The following AFDN variants were observed in gnomAD, a reference collection of about 807,000 sequenced individuals.
AFDN encodes the protein afadin, adherens junction formation factor.
In AFDN, 68 loss-of-function variants were observed where a neutral mutation model predicts 216.6. The ratio of observed to expected loss-of-function variants is 0.31; its 90% CI spans 0.26 to 0.38. AFDN has a LOEUF of 0.38. Ranked by LOEUF, AFDN falls within the 10% of genes least tolerant of loss-of-function variation. The pLI is 1.00. For synonymous variants in AFDN, 868 were observed against 853.7 expected (o/e 1.02, Z -0.29); for missense variants, 2,136 against 2,342.0 (o/e 0.91, Z 1.82).
intron 13 of AFDN, among the ~76,000 whole-genome samples, chr6:167,910,548 G>A (rs887125644): frequency 1.3e-5 from 2 of 152,192 alleles, no homozygotes; most frequent in African/African-American, 4.8e-5. Context: ...ATGTGAGTGA[G>A]TAGAACATCT....
intron 6 of AFDN, among the ~76,000 whole-genome samples, chr6:167,882,160 TAAGAC>T (rs1487380074): frequency 6.6e-6 from 1 of 151,776 alleles, no homozygotes; most frequent in African/African-American, 2.4e-5. Flanking sequence ...ATCCATGAAA[TAAGAC>T]TAGAATGCTG....
At chr6:167,871,480 G>A (rs775635559) in intron 3 of AFDN, among the ~76,000 whole-genome samples, 2 of 152,154 alleles carry the variant, frequency 1.3e-5, no homozygotes, top group Non-Finnish European at 2.9e-5. Flanking sequence ...GTGTTCACAT[G>A]CTTTTCTCCC....
At position 167,962,273 on chromosome 6, in the gene AFDN, AAG is replaced by A. The variant is rs1797108976; in HGVS notation, c.4834-159_4834-158del. ...AATTGTAGAGCTAAAAAATTGTAAAAAGTTTTATTTTCCAACAGTGATTTTAA... is the reference window on the plus strand; with the variant it reads ...AATTGTAGAGCTAAAAAATTGTAAAATTTTATTTTCCAACAGTGATTTTAA... On this transcript the variant is annotated intron_variant, in intron 30 of 33. Coordinates refer to ENST00000683244, the MANE Select transcript of AFDN (RefSeq NM_001386888.1). The surrounding 1 kb of genome is among the most constrained non-coding windows in gnomAD (Gnocchi z 5.2). Among the ~76,000 whole-genome samples the A allele has an allele frequency of 6.6e-6, 1 of 152,174 alleles. No individual in the cohort carries two copies. The highest frequency in any genetic ancestry group is 6.5e-5 in the Admixed American group (1 of 15,284).
At chr6:167,862,985 C>A (rs1267861993) in intron 1 of AFDN, among the ~76,000 whole-genome samples, 1 of 152,188 alleles carries the variant, frequency 6.6e-6, no homozygotes, top group Non-Finnish European at 1.5e-5. Context: ...CCTGAGCAAG[C>A]ACTATAAAGT....
chr6:167,840,604 G>C (rs1420050773), intron 1 of AFDN, among the ~76,000 whole-genome samples: 2 of 152,224 alleles, frequency 1.3e-5, no homozygotes, highest in Admixed American at 6.5e-5. Context: ...CAGCTTTGTT[G>C]TTGTAAGCTG....
In AFDN at chr6:167,970,025, G is replaced by A. The variant is rs1583098582; in HGVS notation, c.*90G>A. On this transcript the variant is annotated 3_prime_UTR_variant, in exon 34 of 34. Coordinates refer to ENST00000683244, the MANE Select transcript of AFDN (RefSeq NM_001386888.1). ...GAGTTTGAAGAGGAAAAGAGGAAGG[G>A]GGTTATATTTCTAAGTGATTTACAA... is the stretch of plus-strand genomic sequence containing the variant. The A allele has an allele frequency of 7.1e-6, 7 of 990,544 alleles. No individual in the cohort carries two copies. In the South Asian group the frequency reaches 1.2e-4, roughly 17 times the overall value. 61.4% of individuals were successfully genotyped at this position (990,544 alleles called of 1,614,324 possible). A position where few individuals can be genotyped will look rare whatever the true frequency, so the allele number is the denominator to read the frequency against.
At chr6:167,926,927 T>A (rs1792617714) in intron 23 of AFDN, among the ~76,000 whole-genome samples, 1 of 152,076 alleles carries the variant, frequency 6.6e-6, no homozygotes. Flanking sequence ...AAATAGCAAA[T>A]AAGAACAATT....
At chr6:167,923,663 C>T (rs947010154) in intron 22 of AFDN, among the ~76,000 whole-genome samples, 4 of 134,842 alleles carry the variant, frequency 3.0e-5, no homozygotes, top group African/African-American at 5.6e-5. Flanking sequence ...CTCGCTCAGT[C>T]GCCCAGGCTG....
chr6:167,946,984 T>A, intron 27 of AFDN, 83 bp downstream of exon 27: 1 of 1,198,798 alleles, frequency 8.3e-7, no homozygotes, highest in Non-Finnish European at 1.2e-6. Context: ...GTTTGTTAAT[T>A]ATTAAAATTA....
In AFDN at chr6:167,859,900, C is replaced by T. The variant is rs1308880787; in HGVS notation, c.106-4651C>T. Among the ~76,000 whole-genome samples the T allele has an allele frequency of 2.0e-5, 3 of 151,356 alleles. 1 individual carries two copies. Among genetic ancestry groups the T allele is most frequent in the South Asian group, 4.2e-4 (2 of 4,772 alleles). On this transcript the variant is annotated intron_variant, in intron 1 of 33. Coordinates refer to ENST00000683244, the MANE Select transcript of AFDN (RefSeq NM_001386888.1). ...AGTAATCATTGGTGATAATATTTCTCAGGGAAAAGTGTGTATCAAGGTAAA... is the reference window on the plus strand; with the variant it reads ...AGTAATCATTGGTGATAATATTTCTTAGGGAAAAGTGTGTATCAAGGTAAA...
chr6:167,835,436 C>G (rs1441853277), intron 1 of AFDN, among the ~76,000 whole-genome samples: 5 of 152,178 alleles, frequency 3.3e-5, no homozygotes, highest in African/African-American at 4.8e-5. Flanking sequence ...AACAATTGCT[C>G]ATATACTTTT....
In AFDN at chr6:167,965,839, A is replaced by AGCCCGAGGC. The variant is rs1313490174; in HGVS notation, c.5057_5065dup (p.Glu1686_Pro1688dup). 3 of 1,551,978 alleles carry AGCCCGAGGC rather than the reference A, an allele frequency of 1.9e-6. No individual in the cohort carries two copies. The highest frequency in any genetic ancestry group is 2.6e-6 in the Non-Finnish European group (3 of 1,148,020). The stretch of plus-strand genomic sequence containing the variant: ...GACGAGGCGGCGCGCAGGTTGCTGG[A>AGCCCGAGGC]GCCCGAGGCGCCCGGTCTGTGCCGC... On this transcript the variant is annotated inframe_insertion, in exon 32 of 34. Transcript: ENST00000683244.
chr6:167,891,715 G>A (rs1787640027), intron 8 of AFDN, among the ~76,000 whole-genome samples: 2 of 151,968 alleles, frequency 1.3e-5, no homozygotes, highest in African/African-American at 4.8e-5. Context: ...GTGTATATTT[G>A]CACATATGTA....
At position 167,966,143 on chromosome 6, in the gene AFDN, C is replaced by T. The variant is rs986643933; in HGVS notation, c.5257+98C>T. 11 of 1,535,096 alleles carry T rather than the reference C, an allele frequency of 7.2e-6. No individual in the cohort carries two copies. The Admixed American group carries it at 9.8e-5, about 14-fold the overall frequency. On this transcript the variant is annotated intron_variant, in intron 32 of 33. Transcript: ENST00000683244. The stretch of plus-strand genomic sequence containing the variant: ...CCCCCTGCCAGCCACGCCCGGCCTC[C>T]GATGGCGTCTTTCTCTCCAACTCAT...
intron 1 of AFDN, among the ~76,000 whole-genome samples, chr6:167,836,621 C>T (rs1360169002): frequency 1.3e-5 from 2 of 152,088 alleles, no homozygotes; most frequent in African/African-American, 4.8e-5. Flanking sequence ...TTTATTTCTA[C>T]GTAGTGGCAC....
At chr6:167,841,810 TC>T (rs1781104276) in intron 1 of AFDN, among the ~76,000 whole-genome samples, 1 of 152,048 alleles carries the variant, frequency 6.6e-6, no homozygotes, top group Non-Finnish European at 1.5e-5. Context: ...TTTTATTACT[TC>T]AAGAGCGCTC....
At chr6:167,891,764 A>T (rs943345392) in intron 8 of AFDN, among the ~76,000 whole-genome samples, 8 of 152,168 alleles carry the variant, frequency 5.3e-5, no homozygotes, top group Non-Finnish European at 1.5e-5. Flanking sequence ...TCATTCAGTT[A>T]ACATTACTTC....
intron 23 of AFDN, among the ~76,000 whole-genome samples, chr6:167,934,462 A>G (rs1793727311): frequency 1.3e-5 from 2 of 152,204 alleles, no homozygotes; most frequent in Non-Finnish European, 1.5e-5. Flanking sequence ...TTAAAACCCA[A>G]GCCTGGATTT....
chr6:167,924,670 G>A (rs1178579113), intron 22 of AFDN, among the ~76,000 whole-genome samples: 1 of 152,060 alleles, frequency 6.6e-6, no homozygotes, highest in Non-Finnish European at 1.5e-5. Context: ...AGGTAATAAA[G>A]TGAAAATTGA....
Sources: allele counts gnomAD v4.1 joint callset (sites outside exome capture counted in the v4.1 genomes callset), GRCh38; gene constraint gnomAD v4.1.1; non-coding constraint Gnocchi (gnomAD v3.1); transcripts MANE v1.5; gene names NCBI Gene and HGNC (gene_info 2026-07-23, HGNC 2026-07-21).